The following KNTC1 variants were observed in gnomAD, a reference collection of about 807,000 sequenced individuals.
KNTC1 encodes the protein kinetochore associated 1.
A neutral mutation model predicts 314.4 loss-of-function variants in KNTC1; 253 were observed. The ratio of observed to expected loss-of-function variants is 0.80; its 90% confidence interval spans 0.73 to 0.89. The LOEUF is 0.89. KNTC1 is among the 40% of genes least tolerant of loss of function. KNTC1 has a pLI of 0.00. For missense variants in KNTC1, 2,475 were observed against 2,572.9 expected, an observed-to-expected ratio of 0.96 and a Z score of 0.82; for synonymous variants, 901 against 901.4, an observed-to-expected ratio of 1.00 and a Z score of 0.01.
In KNTC1 at chr12:122,605,393, G is replaced by A; in HGVS notation, c.5474G>A (p.Cys1825Tyr). ...GACATGTTGTTGGAAAAATGGCTAT[G>A]CCCTTCAACAAAACCTGGTGAAGTA... ...VWDMLLEKWL[C>Y]PSTKPGEKPS... The change falls in exon 51 of 64, where the codon TGC becomes TAC. Residue 1825 changes from cysteine to tyrosine, a missense_variant. Transcript: ENST00000333479. 1.3e-6 allele frequency: 2 copies of A among 1,594,842 alleles called. No individual in the cohort carries two copies. Among genetic ancestry groups the A allele is most frequent in the Non-Finnish European group, 1.7e-6 (2 of 1,168,198 alleles).
chr12:122,541,224 T>C (rs1565934529), intron 5 of KNTC1, among the ~76,000 whole-genome samples: 1 of 151,682 alleles, frequency 6.6e-6, no homozygotes, highest in South Asian at 2.1e-4. Context: ...CAAATTGACA[T>C]ATTTTTAAGG....
intron 2 of KNTC1, among the ~76,000 whole-genome samples, chr12:122,533,532 T>A (rs771525039): frequency 3.9e-4 from 59 of 151,954 alleles, no homozygotes; most frequent in Admixed American, 1.1e-3. Flanking sequence ...CCCGTCTCTA[T>A]AAAAGAAAAA....
At chr12:122,568,693 G>A (rs947688596) in intron 21 of KNTC1, among the ~76,000 whole-genome samples, 2 of 152,086 alleles carry the variant, frequency 1.3e-5, no homozygotes, top group East Asian at 1.9e-4. Flanking sequence ...AAAAGTAGCC[G>A]GGCATGGTGG....
In KNTC1 at chr12:122,587,714, A is replaced by T; in HGVS notation, c.3734A>T (p.Asp1245Val). The change falls in exon 39 of 64, where the codon GAT becomes GTT. Residue 1245 changes from aspartate (D) to valine (V), a missense_variant. Coordinates refer to ENST00000333479, the MANE Select transcript of KNTC1 (RefSeq NM_014708.6). The part of the protein sequence containing the change: ...SLPYCSLNEG[D>V]GLVLPVINSI... Reference sequence around the variant, plus strand: ...AAAATCCTTTATCACTCTGCAGGAGATGGCCTTGTTTTACCTGTTATAAAT... The same window carrying T: ...AAAATCCTTTATCACTCTGCAGGAGTTGGCCTTGTTTTACCTGTTATAAAT... 3 of 1,610,248 alleles carry T rather than the reference A, an allele frequency of 1.9e-6. No homozygotes were observed. The highest frequency in any genetic ancestry group is 2.5e-6 in the Non-Finnish European group (3 of 1,178,130).
At position 122,613,777 on chromosome 12, in the gene KNTC1, T is replaced by G; in HGVS notation, c.5877+16T>G. The G allele has an allele frequency of 6.3e-7, 1 of 1,576,444 alleles. No individual in the cohort carries two copies. The highest frequency in any genetic ancestry group is 8.6e-7 in the Non-Finnish European group (1 of 1,166,544). On this transcript the variant is annotated intron_variant, in intron 55 of 63. Transcript: ENST00000333479. ...CGAGTCCATGGTAGGTACACCTCAC[T>G]GCCCCATTCCCAATTCCCTGCCCCT...
At chr12:122,532,871 G>A (rs1160043091) in intron 2 of KNTC1, among the ~76,000 whole-genome samples, 1 of 152,132 alleles carries the variant, frequency 6.6e-6, no homozygotes, top group African/African-American at 2.4e-5. Context: ...GAATTCAGTG[G>A]CTGGAGAGCT....
intron 6 of KNTC1, 148 bp from the exon 7 acceptor site, chr12:122,543,452 A>G (rs1019559073): frequency 1.5e-5 from 9 of 585,146 alleles, no homozygotes; most frequent in Non-Finnish European, 2.4e-5. Flanking sequence ...TGTCACAGTT[A>G]GCGTATTTTG....
intron 3 of KNTC1, among the ~76,000 whole-genome samples, chr12:122,536,191 C>T (rs1209897927): frequency 1.3e-5 from 2 of 151,244 alleles, no homozygotes; most frequent in Non-Finnish European, 2.9e-5. Flanking sequence ...GCATGAGCCA[C>T]GACACCCGAC....
intron 44 of KNTC1, among the ~76,000 whole-genome samples, chr12:122,598,421 C>CTTTTTTTTTTTTTTTTTTTTT (rs11395342): frequency 1.6e-5 from 2 of 124,262 alleles, no homozygotes; most frequent in Non-Finnish European, 1.6e-5. Flanking sequence ...TTTTTCTTTT[C>CTTTTTTTTTTTTTTTTTTTTT]TTTTTTTTTT....
At chr12:122,595,284 A>G (rs1870886304) in intron 43 of KNTC1, among the ~76,000 whole-genome samples, 1 of 152,232 alleles carries the variant, frequency 6.6e-6, no homozygotes, top group Non-Finnish European at 1.5e-5. Context: ...TGTCTAGTAA[A>G]TACAAGGACT....
chr12:122,538,697 A>C (rs990658682), intron 4 of KNTC1, among the ~76,000 whole-genome samples: 21 of 151,972 alleles, frequency 1.4e-4, no homozygotes, highest in African/African-American at 4.9e-4. Flanking sequence ...CTTGTGGCTC[A>C]AGGAATCTCA....
At chr12:122,532,037 G>GT (rs71085818) in intron 2 of KNTC1, among the ~76,000 whole-genome samples, 32,972 of 126,550 alleles carry the variant, frequency 0.26, 4,004 homozygotes, top group East Asian at 0.48. Context: ...CCGGCCATTT[G>GT]TTTTTTTTTT....
chr12:122,583,544 G>A (rs1868750603), intron 34 of KNTC1, among the ~76,000 whole-genome samples: 1 of 152,118 alleles, frequency 6.6e-6, no homozygotes, highest in Admixed American at 6.6e-5. Context: ...AACAGGCTGG[G>A]GCCAGGTGTG....
At chr12:122,542,251 T>C (rs1342764139) in intron 6 of KNTC1, 124 bp downstream of exon 6, 2 of 626,604 alleles carry the variant, frequency 3.2e-6, no homozygotes, top group Non-Finnish European at 5.1e-6. Flanking sequence ...TTAGTTATAA[T>C]TGGGTATACT....
chr12:122,616,358 G>A (rs1227558179), intron 57 of KNTC1, among the ~76,000 whole-genome samples: 1 of 151,868 alleles, frequency 6.6e-6, no homozygotes, highest in Admixed American at 6.6e-5. Context: ...CGCCTGCTGG[G>A]TTCACGCTAT....
intron 44 of KNTC1, among the ~76,000 whole-genome samples, chr12:122,599,791 C>T (rs771303694): frequency 8.5e-5 from 13 of 152,114 alleles, no homozygotes; most frequent in Admixed American, 3.3e-4. Flanking sequence ...GTTTTTCACG[C>T]GACTTTTGTT....
chr12:122,543,749 A>G (rs1962532571), intron 7 of KNTC1, 115 bp downstream of exon 7: 1 of 642,618 alleles, frequency 1.6e-6, no homozygotes, highest in East Asian at 3.0e-5. Context: ...TTATTATGAT[A>G]TAACATTTTA....
At chr12:122,567,249 T>C (rs112895382) in intron 20 of KNTC1, among the ~76,000 whole-genome samples, 5,996 of 151,704 alleles carry the variant, frequency 0.04, 168 homozygotes, top group Non-Finnish European at 0.058. Context: ...TTTGTATTTT[T>C]AATAGAGACA....
intron 59 of KNTC1, 48 bp downstream of exon 59, chr12:122,618,593 A>T: frequency 1.4e-6 from 2 of 1,405,316 alleles, no homozygotes; most frequent in South Asian, 2.3e-5. Context: ...TTTGTTGCTT[A>T]TAAGATTCCC....
Sources: gnomAD v4.1 joint callset for allele counts (sites outside exome capture counted in the v4.1 genomes callset) on GRCh38, gnomAD v4.1.1 for gene constraint, MANE v1.5 for transcripts, NCBI Gene and HGNC (gene_info 2026-07-23, HGNC 2026-07-21) for gene names.